The following GRID2 variants were observed in gnomAD, a reference collection of about 807,000 sequenced individuals.
The protein encoded by GRID2 is glutamate receptor ionotropic, delta-2.
GRID2 carries 33 observed loss-of-function variants against 114.8 expected under a neutral mutation model. The ratio of observed to expected loss-of-function variants is 0.29; its 90% confidence interval spans 0.22 to 0.38. The LOEUF is 0.38. Ranked by LOEUF, GRID2 falls within the 10% of genes least tolerant of loss-of-function variation. The pLI, the probability that GRID2 is intolerant of heterozygous loss-of-function variation, is 1.00. For synonymous variants in GRID2, 505 were observed against 449.9 expected (o/e 1.12, Z -1.55); for missense variants, 1,184 against 1,257.7 (o/e 0.94, Z 0.89).
chr4:93,326,507 C>T (rs976821183), intron 8 of GRID2, among the ~76,000 whole-genome samples: 2 of 151,914 alleles, frequency 1.3e-5, no homozygotes, highest in African/African-American at 4.8e-5. Context: ...TTTAGATTCT[C>T]CAATAGAGAA....
intron 1 of GRID2, among the ~76,000 whole-genome samples, chr4:92,458,587 G>A (rs966887698): frequency 5.3e-5 from 8 of 152,040 alleles, no homozygotes; most frequent in East Asian, 3.9e-4. Context: ...TAATAGGTTC[G>A]TGACAGGAAC....
At chr4:92,636,573 A>C (rs898012057) in intron 2 of GRID2, among the ~76,000 whole-genome samples, 2 of 152,016 alleles carry the variant, frequency 1.3e-5, no homozygotes, top group East Asian at 3.9e-4. Context: ...GGAAAGAGAA[A>C]GACTTTGGCC....
At chr4:93,154,989 T>C (rs1737050907) in intron 4 of GRID2, among the ~76,000 whole-genome samples, 1 of 151,898 alleles carries the variant, frequency 6.6e-6, no homozygotes, top group Non-Finnish European at 1.5e-5. Flanking sequence ...TAACATTGTA[T>C]TGGTCATCTT....
At chr4:93,299,224 G>A (rs1371666324) in intron 8 of GRID2, among the ~76,000 whole-genome samples, 1 of 152,070 alleles carries the variant, frequency 6.6e-6, no homozygotes, top group African/African-American at 2.4e-5. Flanking sequence ...AGCCCACTAT[G>A]CATTCAGGTA....
intron 4 of GRID2, among the ~76,000 whole-genome samples, chr4:93,191,035 T>A (rs1740928020): frequency 6.6e-6 from 1 of 152,066 alleles, no homozygotes; most frequent in Admixed American, 6.6e-5. Flanking sequence ...CTGAGAATGA[T>A]CTGGCATAAT....
intron 10 of GRID2, among the ~76,000 whole-genome samples, chr4:93,446,409 A>G (rs1722095331): frequency 6.6e-6 from 1 of 152,054 alleles, no homozygotes; most frequent in South Asian, 2.1e-4. Flanking sequence ...GGGCAGGAAT[A>G]CCAGAATAGG....
intron 2 of GRID2, among the ~76,000 whole-genome samples, chr4:92,672,382 A>G (rs1733116981): frequency 6.6e-6 from 1 of 152,154 alleles, no homozygotes; most frequent in South Asian, 2.1e-4. Flanking sequence ...ATTTACAATC[A>G]TTCCTTAATA....
intron 1 of GRID2, among the ~76,000 whole-genome samples, chr4:92,464,345 G>C (rs1279421049): frequency 6.6e-6 from 1 of 151,878 alleles, no homozygotes; most frequent in African/African-American, 2.4e-5. Flanking sequence ...TTCAAATAAA[G>C]ACTTCACACC....
At chr4:93,030,084 TTGAAAA>T (rs1165549920) in intron 2 of GRID2, among the ~76,000 whole-genome samples, 2 of 152,188 alleles carry the variant, frequency 1.3e-5, no homozygotes, top group Non-Finnish European at 2.9e-5. Context: ...ACTATTACTA[TTGAAAA>T]GTAGAGTTTC....
At chr4:93,533,525 C>T (rs1473901946) in intron 13 of GRID2, among the ~76,000 whole-genome samples, 1 of 149,450 alleles carries the variant, frequency 6.7e-6, no homozygotes, top group African/African-American at 2.5e-5. Flanking sequence ...AGGAGCATGC[C>T]ACCACACCCA....
At chr4:93,504,937 T>C (rs1254219236) in intron 12 of GRID2, among the ~76,000 whole-genome samples, 2 of 152,128 alleles carry the variant, frequency 1.3e-5, no homozygotes, top group Non-Finnish European at 2.9e-5. Flanking sequence ...TTTTATTACA[T>C]AGAGAAATAT....
chr4:93,279,352 T>C (rs1297580387), intron 8 of GRID2, among the ~76,000 whole-genome samples: 3 of 151,894 alleles, frequency 2.0e-5, no homozygotes, highest in Non-Finnish European at 4.4e-5. Context: ...GACATCAATA[T>C]GTTAATGTCT....
rs745392261 is a variant in GRID2 at position 92,794,905 on chromosome 4, T to TATATACACACACAC, written c.244+204620_244+204621insTATACACACACACA. On this transcript the variant is annotated intron_variant, in intron 2 of 15. Transcript: ENST00000282020. ...ATATATATATATATATATATATATA[T>TATATACACACACAC]ACACACACACACACACACACATATC... 1.2e-4 allele frequency among the ~76,000 whole-genome samples: 15 copies of TATATACACACACAC among 127,806 alleles called. 1 individual carries two copies. The highest frequency in any genetic ancestry group is 7.4e-4 in the South Asian group (3 of 4,042). 83.8% of individuals were successfully genotyped at this position (127,806 alleles called of 152,430 possible).
chr4:93,258,939 C>T (rs1749930763), intron 8 of GRID2: 2 of 455,052 alleles, frequency 4.4e-6, no homozygotes, highest in African/African-American at 2.0e-5. Flanking sequence ...AAAATCTGGC[C>T]CCAGGTGAGG....
chr4:92,501,996 T>C (rs1229806615), intron 1 of GRID2, among the ~76,000 whole-genome samples: 1 of 152,012 alleles, frequency 6.6e-6, no homozygotes, highest in African/African-American at 2.4e-5. Flanking sequence ...TGTAATATTT[T>C]CTCTCCTTTA....
Position 92,385,774 on chromosome 4 carries a change from A to G in GRID2, c.88+81030A>G, listed in dbSNP as rs1213215571. ...ATTTGTAATATACCTTTGTAGTTCT[A>G]CTTTTCATGTATTGTTTTCAATTAT... On this transcript the variant is annotated intron_variant, in intron 1 of 15. Coordinates refer to ENST00000282020, the MANE Select transcript of GRID2 (RefSeq NM_001510.4). Among the ~76,000 whole-genome samples the G allele has an allele frequency of 2.6e-5, 4 of 151,424 alleles. No individual in the cohort carries two copies. In the South Asian group the frequency reaches 6.2e-4, roughly 24 times the overall value.
Position 93,244,474 on chromosome 4 carries a change from A to G in GRID2, c.1245+5984A>G, listed in dbSNP as rs1048328253. On this transcript the variant is annotated intron_variant, in intron 8 of 15. Coordinates refer to ENST00000282020, the MANE Select transcript of GRID2 (RefSeq NM_001510.4). ...CCTAATGTACTGCTTCGCAAAGGAT[A>G]TTATATTATATAATCTATTAATTAA... 2.3e-4 allele frequency among the ~76,000 whole-genome samples: 34 copies of G among 145,388 alleles called. 2 individuals carry two copies. The highest frequency in any genetic ancestry group is 2.2e-3 in the Admixed American group (31 of 14,384).
intron 1 of GRID2, among the ~76,000 whole-genome samples, chr4:92,393,128 G>A (rs1300401594): frequency 1.3e-5 from 2 of 152,042 alleles, no homozygotes; most frequent in Non-Finnish European, 2.9e-5. Flanking sequence ...AGAGTGGTGA[G>A]GGCGTTGCCA....
chr4:93,587,813 A>G lies in GRID2; in HGVS notation c.2194-38456A>G, dbSNP rs562368476. On this transcript the variant is annotated intron_variant, in intron 13 of 15. Coordinates refer to ENST00000282020, the MANE Select transcript of GRID2 (RefSeq NM_001510.4). Reference sequence around the variant, plus strand: ...AAATTACATATAAATGCATTCAATCACTCAAAGAAAAGCTTCCAAAGGAAA... The same window carrying G: ...AAATTACATATAAATGCATTCAATCGCTCAAAGAAAAGCTTCCAAAGGAAA... Among the ~76,000 whole-genome samples the G allele has an allele frequency of 2.6e-5, 4 of 152,180 alleles. No homozygotes were observed. In the South Asian group the frequency reaches 8.3e-4, roughly 32 times the overall value.
Sources: gnomAD v4.1 joint callset for allele counts (sites outside exome capture counted in the v4.1 genomes callset) on GRCh38, gnomAD v4.1.1 for gene constraint, MANE v1.5 for transcripts, NCBI Gene and HGNC (gene_info 2026-07-23, HGNC 2026-07-21) for gene names.